The following SLC25A20 variants were observed in gnomAD, a reference collection of about 807,000 sequenced individuals.
SLC25A20 encodes the protein mitochondrial carnitine/acylcarnitine carrier protein.
In SLC25A20, 29 loss-of-function variants were observed where a neutral mutation model predicts 39.7. That is an observed-to-expected ratio of 0.73 (90% CI 0.54 to 1.00). The LOEUF (loss-of-function observed/expected upper bound fraction) is 1.00. SLC25A20 is among the 50% of genes least tolerant of loss of function. SLC25A20 has a pLI of 0.00. For synonymous variants in SLC25A20, 103 were observed against 142.2 expected (o/e 0.72, Z 1.96); for missense variants, 333 against 379.9 (o/e 0.88, Z 1.03).
intron 5 of SLC25A20, 124 bp from the exon 6 acceptor site, chr3:48,859,751 C>A: frequency 1.3e-6 from 1 of 757,304 alleles, no homozygotes; most frequent in South Asian, 1.5e-5. Context: ...GCCAGGAGGT[C>A]CGCGCTTGGC....
At chr3:48,873,887 T>G (rs2083735932) in intron 4 of SLC25A20, among the ~76,000 whole-genome samples, 1 of 138,590 alleles carries the variant, frequency 7.2e-6, no homozygotes, top group Non-Finnish European at 1.5e-5. Flanking sequence ...GAGAATGGCG[T>G]GAACCCGGGA....
At chr3:48,889,854 C>T (rs2083860289) in intron 2 of SLC25A20, among the ~76,000 whole-genome samples, 1 of 152,124 alleles carries the variant, frequency 6.6e-6, no homozygotes. Context: ...CTAATATAAA[C>T]AAGAAATAAC....
In SLC25A20 at chr3:48,879,439, C is replaced by G. The variant is rs765641042; in HGVS notation, c.336G>C (p.Gln112His). ...CAGATAACATCCCAGCTGCAAAAAG[C>G]TGGGGATAGCTGCATTGAAAACAAA... ...KHPEDVLSYP[Q>H]LFAAGMLSGV... The change falls in exon 4 of 9, where the codon CAG becomes CAC. Residue 112 changes from glutamine to histidine, a missense_variant. Coordinates refer to ENST00000319017, the MANE Select transcript of SLC25A20 (RefSeq NM_000387.6). 14 of 1,613,264 alleles carry G rather than the reference C, an allele frequency of 8.7e-6. No individual in the cohort carries two copies. Among genetic ancestry groups the G allele is most frequent in the Non-Finnish European group, 1.0e-5 (12 of 1,179,416 alleles).
rs2083588240 is a variant in SLC25A20, at chr3:48,857,429, T to G, written c.*281A>C. On this transcript the variant is annotated 3_prime_UTR_variant, in exon 9 of 9. Coordinates refer to ENST00000319017, the MANE Select transcript of SLC25A20 (RefSeq NM_000387.6). ...GCAGTTAACTGGTAGGCAGCATTCTTGCCACAGGTAGTATCTGGTCTGGAA... is the reference window on the plus strand; with the variant it reads ...GCAGTTAACTGGTAGGCAGCATTCTGGCCACAGGTAGTATCTGGTCTGGAA... 1 of 445,900 alleles carries G rather than the reference T, an allele frequency of 2.2e-6. No homozygotes were observed. Among genetic ancestry groups the G allele is most frequent in the Non-Finnish European group, 4.2e-6 (1 of 239,642 alleles). 27.6% of individuals were successfully genotyped at this position (445,900 alleles called of 1,614,324 possible). A position where few individuals can be genotyped will look rare whatever the true frequency, so the allele number is the denominator to read the frequency against.
chr3:48,875,969 C>T (rs1351798696), intron 4 of SLC25A20, among the ~76,000 whole-genome samples: 6 of 152,112 alleles, frequency 3.9e-5, no homozygotes, highest in African/African-American at 1.4e-4. Context: ...TGTGCTGAAT[C>T]CAGCCACTGC....
chr3:48,888,023 C>T (rs573068891), intron 2 of SLC25A20, among the ~76,000 whole-genome samples: 4 of 150,540 alleles, frequency 2.7e-5, no homozygotes, highest in African/African-American at 9.8e-5. Flanking sequence ...AGCTGGCCAA[C>T]ATGGCAAAAC....
At chr3:48,892,575 T>A (rs950763020) in intron 1 of SLC25A20, among the ~76,000 whole-genome samples, 4 of 152,162 alleles carry the variant, frequency 2.6e-5, no homozygotes, top group Admixed American at 2.6e-4. Context: ...AACCAATGAT[T>A]CAGTTCAAGT....
At chr3:48,871,982 A>ATTTTT (rs71077746) in intron 4 of SLC25A20, among the ~76,000 whole-genome samples, 13 of 56,670 alleles carry the variant, frequency 2.3e-4, no homozygotes, top group African/African-American at 6.0e-4. Context: ...TGCCCAGCTA[A>ATTTTT]TTTTTTTTTT....
chr3:48,898,371 A>T (rs2083925043), intron 1 of SLC25A20, among the ~76,000 whole-genome samples: 1 of 152,222 alleles, frequency 6.6e-6, no homozygotes, highest in African/African-American at 2.4e-5. Context: ...GTGTTGGCTG[A>T]AACCAAAACT....
At chr3:48,893,463 G>C (rs1263836374) in intron 1 of SLC25A20, among the ~76,000 whole-genome samples, 3 of 152,038 alleles carry the variant, frequency 2.0e-5, no homozygotes, top group Non-Finnish European at 4.4e-5. Context: ...TTGAGGCCAG[G>C]AGTTCAAGAT....
chr3:48,859,550 C>G lies in SLC25A20; in HGVS notation c.608+5G>C. 2.5e-6 allele frequency: 4 copies of G among 1,612,752 alleles called. No homozygotes were observed. Among genetic ancestry groups the G allele is most frequent in the Non-Finnish European group, 3.4e-6 (4 of 1,178,744 alleles). ...AAAGTGGCTTCCAAGTTATGTTTTC[C>G]TCACCTCTTTCCCTCCGGAGTGAAG... On this transcript the variant is annotated splice_donor_5th_base_variant and intron_variant, in intron 6 of 8. Coordinates refer to ENST00000319017, the MANE Select transcript of SLC25A20 (RefSeq NM_000387.6).
At chr3:48,857,856 G>GA in intron 8 of SLC25A20, 84 bp from the exon 9 acceptor site, 1 of 1,271,868 alleles carries the variant, frequency 7.9e-7, no homozygotes, top group Non-Finnish European at 1.1e-6. Flanking sequence ...TGCTGGCCCT[G>GA]TCAGGACCAG....
At chr3:48,860,541 G>A (rs939247142) in intron 5 of SLC25A20, among the ~76,000 whole-genome samples, 1 of 151,804 alleles carries the variant, frequency 6.6e-6, no homozygotes, top group African/African-American at 2.4e-5. Context: ...GGAGGTGGAG[G>A]TTGCAGTAAG....
In SLC25A20 at chr3:48,857,748, C is replaced by T. The variant is rs932562915; in HGVS notation, c.868G>A (p.Ala290Thr). The change falls in exon 9 of 9, where the codon GCC (alanine) becomes ACC (threonine). Residue 290 changes from alanine (A) to threonine (T), a missense_variant. Physicochemically the swap from Ala to Thr is moderately conservative, Grantham distance 58. Coordinates refer to ENST00000319017, the MANE Select transcript of SLC25A20 (RefSeq NM_000387.6). The part of the protein sequence containing the change: ...NAACFLGFEV[A>T]MKFLNWATPN... ...GTGGCCCAATTAAGGAACTTCATGG[C>T]AACTTCAAAGCCAAGGAAACAGGCC... 13 of 1,613,776 alleles carry T rather than the reference C, an allele frequency of 8.1e-6. No individual in the cohort carries two copies. Among genetic ancestry groups the T allele is most frequent in the Non-Finnish European group, 1.1e-5 (13 of 1,179,956 alleles).
intron 3 of SLC25A20, 70 bp downstream of exon 3, chr3:48,883,927 G>A (rs1417419093): frequency 2.5e-5 from 40 of 1,591,986 alleles, no homozygotes; most frequent in Admixed American, 1.4e-4. Context: ...CCCTGCCCAA[G>A]TTTCTTTATT....
intron 6 of SLC25A20, 31 bp from the exon 7 acceptor site, chr3:48,859,232 A>G: frequency 6.3e-7 from 1 of 1,589,962 alleles, no homozygotes; most frequent in Non-Finnish European, 8.6e-7. Context: ...CCCCAGTTAG[A>G]CAAAGGCTGT....
intron 4 of SLC25A20, among the ~76,000 whole-genome samples, chr3:48,873,288 G>C (rs1027954519): frequency 6.6e-6 from 1 of 151,874 alleles, no homozygotes; most frequent in African/African-American, 2.4e-5. Context: ...GGGAGGCCAA[G>C]GCAGGTGGAT....
intron 1 of SLC25A20, among the ~76,000 whole-genome samples, chr3:48,894,435 ATTT>A (rs781601028): frequency 2.5e-5 from 3 of 118,440 alleles, no homozygotes; most frequent in Non-Finnish European, 1.8e-5. Flanking sequence ...TAACTTTTGC[ATTT>A]TTTTTTTTTT....
At chr3:48,882,970 G>A (rs1274780512) in intron 3 of SLC25A20, among the ~76,000 whole-genome samples, 1 of 149,210 alleles carries the variant, frequency 6.7e-6, no homozygotes, top group Non-Finnish European at 1.5e-5. Flanking sequence ...GGCGGATCAC[G>A]AGGTCAGGAG....
Sources: gnomAD v4.1 joint callset for allele counts (sites outside exome capture counted in the v4.1 genomes callset) on GRCh38, gnomAD v4.1.1 for gene constraint, MANE v1.5 for transcripts, NCBI Gene and HGNC (gene_info 2026-07-23, HGNC 2026-07-21) for gene names.